ARSB: variants seen among roughly 807,000 people sequenced by gnomAD.
ARSB encodes N-acetylgalactosamine-4-sulfatase.
Under a neutral mutation model 50.9 loss-of-function variants are expected in ARSB, and 41 were observed. The observed-to-expected ratio is 0.81, with a 90% confidence interval of 0.63 to 1.04. ARSB has a LOEUF of 1.04. Ranked by LOEUF, ARSB falls within the 50% of genes least tolerant of loss-of-function variation. The pLI is 0.00. For missense variants in ARSB, 672 were observed against 693.3 expected (o/e 0.97, Z 0.35); for synonymous variants, 269 against 284.8 (o/e 0.94, Z 0.56).
intron 5 of ARSB, among the ~76,000 whole-genome samples, chr5:78,858,096 C>T (rs1029335594): frequency 6.6e-6 from 1 of 152,162 alleles, no homozygotes; most frequent in African/African-American, 2.4e-5. Context: ...CCCCAAATCC[C>T]ATCTCTAACC....
intron 6 of ARSB, among the ~76,000 whole-genome samples, chr5:78,798,009 C>T (rs948360005): frequency 6.6e-6 from 1 of 151,964 alleles, no homozygotes; most frequent in African/African-American, 2.4e-5. Context: ...TGGTTAATGT[C>T]AAAGAGAGGG....
At chr5:78,849,496 G>A (rs1343748070) in intron 5 of ARSB, among the ~76,000 whole-genome samples, 2 of 151,754 alleles carry the variant, frequency 1.3e-5, no homozygotes. Context: ...AAGTCAGGTA[G>A]CGTGATGCCT....
chr5:78,855,996 C>T (rs1561462657), intron 5 of ARSB, among the ~76,000 whole-genome samples: 2 of 152,130 alleles, frequency 1.3e-5, no homozygotes, highest in African/African-American at 2.4e-5. Context: ...GTTGTTTATT[C>T]ATTGTTCTGG....
chr5:78,975,176 G>A (rs1208031743), intron 1 of ARSB, among the ~76,000 whole-genome samples: 1 of 152,250 alleles, frequency 6.6e-6, no homozygotes, highest in Non-Finnish European at 1.5e-5. Context: ...ACTGGCAGGA[G>A]TCCACTGAGA....
intron 4 of ARSB, among the ~76,000 whole-genome samples, chr5:78,941,829 A>G (rs1367200546): frequency 1.3e-5 from 2 of 152,108 alleles, no homozygotes; most frequent in Middle Eastern, 3.4e-3. Context: ...CTCTTTTTCT[A>G]TTGATTGGAA....
At chr5:78,861,984 G>A (rs1474550057) in intron 5 of ARSB, among the ~76,000 whole-genome samples, 1 of 152,040 alleles carries the variant, frequency 6.6e-6, no homozygotes, top group Non-Finnish European at 1.5e-5. Flanking sequence ...GACAAACAGA[G>A]AACCAAATCA....
chr5:78,912,512 T>A (rs1749352628), intron 4 of ARSB, among the ~76,000 whole-genome samples: 1 of 152,214 alleles, frequency 6.6e-6, no homozygotes, highest in Non-Finnish European at 1.5e-5. Flanking sequence ...GAAAAGGGCC[T>A]GTCAGTTTTA....
chr5:78,887,387 C>A (rs902454473), intron 4 of ARSB, among the ~76,000 whole-genome samples: 2 of 152,160 alleles, frequency 1.3e-5, no homozygotes, highest in African/African-American at 4.8e-5. Flanking sequence ...TGGGAGACAG[C>A]ATTGATCTAT....
chr5:78,810,189 T>A (rs555347141), intron 6 of ARSB, among the ~76,000 whole-genome samples: 3 of 152,328 alleles, frequency 2.0e-5, no homozygotes, highest in Admixed American at 2.0e-4. Context: ...TTAACTCTCA[T>A]TTCTCTTTCG....
At chr5:78,941,426 G>C (rs1750916615) in intron 4 of ARSB, among the ~76,000 whole-genome samples, 1 of 152,162 alleles carries the variant, frequency 6.6e-6, no homozygotes, top group African/African-American at 2.4e-5. Flanking sequence ...GTTTGTCATA[G>C]ATAGCTCTTA....
intron 2 of ARSB, among the ~76,000 whole-genome samples, chr5:78,968,725 G>C (rs1248258967): frequency 6.6e-6 from 1 of 152,080 alleles, no homozygotes; most frequent in African/African-American, 2.4e-5. Context: ...TTGGTAATAA[G>C]GGTCTCTGAG....
chr5:78,955,235 C>T, intron 4 of ARSB, 60 bp downstream of exon 4: 2 of 1,562,634 alleles, frequency 1.3e-6, no homozygotes, highest in South Asian at 2.3e-5. Context: ...CTTCATTCCA[C>T]TTATCAAATA....
intron 6 of ARSB, among the ~76,000 whole-genome samples, chr5:78,788,071 G>C (rs970706162): frequency 5.3e-5 from 8 of 152,228 alleles, no homozygotes; most frequent in African/African-American, 1.7e-4. Flanking sequence ...TGGCGAATCA[G>C]AAGAGCCAAA....
chr5:78,892,164 A>G (rs1483627180), intron 4 of ARSB, among the ~76,000 whole-genome samples: 1 of 151,924 alleles, frequency 6.6e-6, no homozygotes, highest in African/African-American at 2.4e-5. Context: ...AGATTTAAGT[A>G]TCATAGCCAC....
At chr5:78,806,307 G>A (rs1220093331) in intron 6 of ARSB, among the ~76,000 whole-genome samples, 1 of 152,220 alleles carries the variant, frequency 6.6e-6, no homozygotes, top group Non-Finnish European at 1.5e-5. Context: ...GATGTCATAG[G>A]CTGTTAATAT....
chr5:78,964,452 C>A lies in ARSB; in HGVS notation c.654G>T (p.Arg218Ser). The change falls in exon 3 of 8, where the codon AGG becomes AGT. Residue 218 changes from arginine (R) to serine (S), a missense_variant. Arg to Ser is a moderately radical substitution (Grantham distance 110). Transcript: ENST00000264914. ...GATGGTTAGTTATGAGGGCTATAGC[C>A]CTTTTGGTGAATATGTTTGTTGAAT... ...NMYSTNIFTK[R>S]AIALITNHPP... 1.9e-6 allele frequency: 3 copies of A among 1,613,928 alleles called. No homozygotes were observed. Among genetic ancestry groups the A allele is most frequent in the Non-Finnish European group, 1.7e-6 (2 of 1,179,898 alleles).
chr5:78,927,257 A>T (rs2112373709), intron 4 of ARSB, among the ~76,000 whole-genome samples: 1 of 152,300 alleles, frequency 6.6e-6, no homozygotes, highest in Non-Finnish European at 1.5e-5. Flanking sequence ...TTATGGAGGT[A>T]TTATTTTTCA....
chr5:78,870,136 G>T (rs1747053153), intron 5 of ARSB, among the ~76,000 whole-genome samples: 1 of 146,930 alleles, frequency 6.8e-6, no homozygotes, highest in African/African-American at 2.5e-5. Flanking sequence ...TCTCTGAATA[G>T]ACCAATAACA....
chr5:78,816,390 T>C (rs911419628), intron 6 of ARSB, among the ~76,000 whole-genome samples: 20 of 152,178 alleles, frequency 1.3e-4, no homozygotes, highest in Admixed American at 2.0e-4. Context: ...CCGGAGAATA[T>C]TTCCCTTCTG....
Sources: gnomAD v4.1 joint callset for allele counts (sites outside exome capture counted in the v4.1 genomes callset) on GRCh38, gnomAD v4.1.1 for gene constraint, MANE v1.5 for transcripts, NCBI Gene and HGNC (gene_info 2026-07-23, HGNC 2026-07-21) for gene names.